The following SIL1 variants were observed in gnomAD, a reference collection of about 807,000 sequenced individuals.
SIL1 encodes the protein nucleotide exchange factor SIL1.
In SIL1, 40 loss-of-function variants were observed where a neutral mutation model predicts 49.1. The observed-to-expected ratio is 0.81, with a 90% CI of 0.63 to 1.06. The LOEUF is 1.06. SIL1 is among the 50% of genes least tolerant of loss of function. SIL1 has a pLI of 0.00. For synonymous variants in SIL1, 253 were observed against 250.8 expected, an observed-to-expected ratio of 1.01 and a Z score of -0.08; for missense variants, 500 against 572.6, an observed-to-expected ratio of 0.87 and a Z score of 1.29.
chr5:139,022,127 C>G (rs1330900826), intron 6 of SIL1: 1 of 152,310 alleles, frequency 6.6e-6, no homozygotes, highest in Admixed American at 6.5e-5. Context: ...CTGTTTTCTA[C>G]ATGTACCCGC....
intron 3 of SIL1, among the ~76,000 whole-genome samples, chr5:139,058,573 G>T (rs2116789): frequency 0.41 from 62,270 of 151,950 alleles, 13,365 homozygotes; most frequent in African/African-American, 0.55. Context: ...TTATTTGTAT[G>T]AGTATGAACT....
In SIL1 at chr5:139,071,278, C is replaced by T. The variant is rs565548897; in HGVS notation, c.245-20232G>A. ...CAAAGAGACTTAAAGGATATAACAA[C>T]GTTTCTTAAATGGGCAACACTATAG... On this transcript the variant is annotated intron_variant, in intron 3 of 9. Coordinates refer to ENST00000394817, the MANE Select transcript of SIL1 (RefSeq NM_022464.5). Among the ~76,000 whole-genome samples, 6 of 151,880 alleles carry T rather than the reference C, an allele frequency of 4.0e-5. No homozygotes were observed. The South Asian group carries it at 1.2e-3, about 32-fold the overall frequency.
At chr5:139,042,597 TCA>T in intron 5 of SIL1, 21 bp downstream of exon 5, 1 of 1,606,102 alleles carries the variant, frequency 6.2e-7, no homozygotes, top group Non-Finnish European at 8.5e-7. Flanking sequence ...AGGCTTATAC[TCA>T]CAGGAAAAAT....
At chr5:139,011,770 G>A (rs1250184455) in intron 7 of SIL1, among the ~76,000 whole-genome samples, 1 of 152,104 alleles carries the variant, frequency 6.6e-6, no homozygotes, top group East Asian at 1.9e-4. Context: ...GATGCTCTGA[G>A]GCCTGGATGT....
intron 3 of SIL1, chr5:139,093,770 A>G (rs1038402168): frequency 6.6e-6 from 1 of 152,202 alleles, no homozygotes; most frequent in Non-Finnish European, 1.5e-5. Flanking sequence ...TCTTTACCCT[A>G]TAAATTTTCA....
At chr5:139,121,295 C>G (rs1209830834) in intron 2 of SIL1, 122 bp from the exon 3 acceptor site, 6 of 1,369,590 alleles carry the variant, frequency 4.4e-6, no homozygotes, top group Non-Finnish European at 5.1e-6. Context: ...CCTGATATGT[C>G]TGGACACTCG....
chr5:138,988,771 G>C (rs973013570), intron 7 of SIL1, among the ~76,000 whole-genome samples: 4 of 152,184 alleles, frequency 2.6e-5, no homozygotes, highest in Non-Finnish European at 5.9e-5. Flanking sequence ...TACTTGGGAG[G>C]CTGAGGCAGG....
intron 7 of SIL1, among the ~76,000 whole-genome samples, chr5:138,977,089 G>A (rs1767409115): frequency 6.6e-6 from 1 of 152,190 alleles, no homozygotes; most frequent in South Asian, 2.1e-4. Flanking sequence ...GCTAGCTGGT[G>A]GAAGTGGCAG....
intron 1 of SIL1, among the ~76,000 whole-genome samples, chr5:139,140,221 G>A (rs1052640137): frequency 6.6e-6 from 1 of 151,332 alleles, no homozygotes; most frequent in Non-Finnish European, 1.5e-5. Flanking sequence ...AGTGAGCCGA[G>A]ATCGAGCCAC....
At chr5:139,030,705 C>T (rs780502679) in intron 5 of SIL1, among the ~76,000 whole-genome samples, 53 of 151,918 alleles carry the variant, frequency 3.5e-4, no homozygotes, top group Admixed American at 7.2e-4. Context: ...AGACCATTTC[C>T]GGGCTATGTT....
At chr5:139,117,134 A>T (rs1202112238) in intron 3 of SIL1, among the ~76,000 whole-genome samples, 1 of 152,256 alleles carries the variant, frequency 6.6e-6, no homozygotes, top group Non-Finnish European at 1.5e-5. Flanking sequence ...CCACCAAGAC[A>T]TCCAAAACAC....
At chr5:139,143,302 T>C (rs1206114045) in intron 1 of SIL1, among the ~76,000 whole-genome samples, 4 of 71,822 alleles carry the variant, frequency 5.6e-5, no homozygotes, top group Non-Finnish European at 1.1e-4. Flanking sequence ...TGTATATACA[T>C]ATATACACAC....
intron 3 of SIL1, among the ~76,000 whole-genome samples, chr5:139,109,273 C>T (rs1770791800): frequency 6.6e-6 from 1 of 152,184 alleles, no homozygotes; most frequent in African/African-American, 2.4e-5. Flanking sequence ...TCTACATCTA[C>T]AATTTAACCC....
At chr5:139,046,144 T>C (rs2150449234) in intron 4 of SIL1, among the ~76,000 whole-genome samples, 1 of 152,256 alleles carries the variant, frequency 6.6e-6, no homozygotes, top group East Asian at 1.9e-4. Context: ...CTGGCCAACA[T>C]GGTGAAACTC....
chr5:139,091,426 A>G (rs1227887869), intron 3 of SIL1, among the ~76,000 whole-genome samples: 1 of 152,222 alleles, frequency 6.6e-6, no homozygotes, highest in Non-Finnish European at 1.5e-5. Context: ...GGTCACAGAA[A>G]AAGAAATACA....
intron 2 of SIL1, among the ~76,000 whole-genome samples, chr5:139,126,105 A>C (rs1042758920): frequency 1.3e-5 from 2 of 152,224 alleles, no homozygotes; most frequent in African/African-American, 4.8e-5. Flanking sequence ...TGCATAATTT[A>C]GATTTTAAAT....
At chr5:139,004,296 T>C (rs1435807966) in intron 7 of SIL1, among the ~76,000 whole-genome samples, 3 of 152,194 alleles carry the variant, frequency 2.0e-5, no homozygotes, top group African/African-American at 7.2e-5. Flanking sequence ...CCACTGTACC[T>C]GGCCTCTGTT....
chr5:138,952,929 G>A (rs527421466), intron 7 of SIL1, among the ~76,000 whole-genome samples: 6 of 152,370 alleles, frequency 3.9e-5, no homozygotes, highest in African/African-American at 1.4e-4. Context: ...CAAGCACAGG[G>A]ACCAGATAGT....
At chr5:139,052,304 T>A (rs568691537) in intron 3 of SIL1, among the ~76,000 whole-genome samples, 1 of 152,102 alleles carries the variant, frequency 6.6e-6, no homozygotes, top group African/African-American at 2.4e-5. Flanking sequence ...CAGTAGGGAG[T>A]TTCTGTATGT....
Sources: allele counts gnomAD v4.1 joint callset (sites outside exome capture counted in the v4.1 genomes callset), GRCh38; gene constraint gnomAD v4.1.1; transcripts MANE v1.5; gene names NCBI Gene and HGNC (gene_info 2026-07-23, HGNC 2026-07-21).